Variants in TIMM9 observed in about 807,000 individuals in gnomAD.
The protein encoded by TIMM9 is translocase of inner mitochondrial membrane 9.
In TIMM9, 10 loss-of-function variants were observed where a neutral mutation model predicts 13.4. The ratio of observed to expected loss-of-function variants is 0.75; its 90% CI spans 0.46 to 1.26. The LOEUF (loss-of-function observed/expected upper bound fraction) is 1.26, where lower values mean the gene tolerates loss of function less well. Ranked by LOEUF, TIMM9 falls within the 50% of genes most tolerant of loss-of-function variation. TIMM9 has a pLI of 0.00. For missense variants in TIMM9, 87 were observed against 100.8 expected, an observed-to-expected ratio of 0.86 and a Z score of 0.58; for synonymous variants, 32 against 32.1, an observed-to-expected ratio of 1.00 and a Z score of 0.01.
At chr14:58,425,681 C>T (rs1165798862) in intron 2 of TIMM9, among the ~76,000 whole-genome samples, 2 of 152,132 alleles carry the variant, frequency 1.3e-5, no homozygotes, top group African/African-American at 4.8e-5. Context: ...ATAAGTTTCA[C>T]CTAGAAGGTA....
Position 58,408,714 on chromosome 14 carries a change from A to G in TIMM9, c.*320T>C. ...TTTTCTATCTCATACATGATCGAAC[A>G]CATAAGTTGCTTTAAAATTAACAGT... is the stretch of plus-strand genomic sequence containing the variant. On this transcript the variant is annotated 3_prime_UTR_variant, in exon 6 of 6. Transcript: ENST00000395159. The G allele has an allele frequency of 1.2e-6, 1 of 858,024 alleles. No homozygotes were observed. Among genetic ancestry groups the G allele is most frequent in the Non-Finnish European group, 1.8e-6 (1 of 570,282 alleles). The allele number at this position is 858,024 out of a possible 1,614,324, so 53.2% of individuals were successfully genotyped here.
intron 3 of TIMM9, among the ~76,000 whole-genome samples, chr14:58,421,448 G>A (rs1447998675): frequency 1.3e-5 from 2 of 152,096 alleles, no homozygotes; most frequent in African/African-American, 4.8e-5. Context: ...TTAGTATCCT[G>A]GATGTGAGTG....
chr14:58,423,741 G>C (rs538153371), intron 3 of TIMM9: 2 of 152,152 alleles, frequency 1.3e-5, no homozygotes, highest in Non-Finnish European at 2.9e-5. Context: ...ACAGGTAGCA[G>C]TAATGTGGTT....
At chr14:58,419,679 G>A (rs1217906635) in intron 3 of TIMM9, among the ~76,000 whole-genome samples, 1 of 152,048 alleles carries the variant, frequency 6.6e-6, no homozygotes, top group African/African-American at 2.4e-5. Flanking sequence ...GCCAAGGTTG[G>A]CAGATGGCTT....
At chr14:58,425,367 T>A (rs921160560) in intron 2 of TIMM9, among the ~76,000 whole-genome samples, 1 of 150,380 alleles carries the variant, frequency 6.6e-6, no homozygotes, top group African/African-American at 2.5e-5. Flanking sequence ...GCTGAGAAAA[T>A]AAGCCTGGGC....
In TIMM9 at chr14:58,427,478, C is replaced by G; in HGVS notation, c.-390G>C. On this transcript the variant is annotated 5_prime_UTR_variant, in exon 1 of 6. Transcript: ENST00000395159. ...CAAGTAGTATTACAAGTCGGGAGCT[C>G]TTCAAGTCTTGGATGAGACTGTAGA... 9.8e-7 allele frequency: 1 copy of G among 1,016,110 alleles called. No homozygotes were observed. The highest frequency in any genetic ancestry group is 1.4e-6 in the Non-Finnish European group (1 of 696,024). 62.9% of individuals were successfully genotyped at this position (1,016,110 alleles called of 1,614,324 possible).
intron 5 of TIMM9, 125 bp downstream of exon 5, chr14:58,410,718 G>A (rs2036188183): frequency 3.1e-6 from 2 of 649,098 alleles, no homozygotes; most frequent in Non-Finnish European, 5.2e-6. Context: ...GTTCTTCCAA[G>A]CAATGGAACA....
At position 58,423,444 on chromosome 14, in the gene TIMM9, G is replaced by A. The variant is rs147446894; in HGVS notation, c.-27+564C>T. ...GAGGCAGAACTGCTTGAACCTGGGA[G>A]GCAGAGGCTGCAGTGAGCTGAGATT... On this transcript the variant is annotated intron_variant, in intron 3 of 5. Transcript: ENST00000395159. Among the ~76,000 whole-genome samples, 366 of 147,802 alleles carry A rather than the reference G, an allele frequency of 2.5e-3. 12 individuals are homozygous for A. In the East Asian group the frequency reaches 0.062, roughly 25 times the overall value.
At chr14:58,424,793 G>A (rs971399092) in intron 2 of TIMM9, among the ~76,000 whole-genome samples, 7 of 152,186 alleles carry the variant, frequency 4.6e-5, no homozygotes, top group African/African-American at 1.7e-4. Flanking sequence ...CTTGAGCCCA[G>A]GAGCTTGAGG....
intron 3 of TIMM9, among the ~76,000 whole-genome samples, chr14:58,423,059 C>T (rs1248540137): frequency 6.6e-6 from 1 of 151,952 alleles, no homozygotes; most frequent in African/African-American, 2.4e-5. Context: ...CCCACCTCAG[C>T]CTCCCAAAGT....
At position 58,412,126 on chromosome 14, in the gene TIMM9, C is replaced by A. The variant is rs530421650; in HGVS notation, c.-26-155G>T. 4 of 568,158 alleles carry A rather than the reference C, an allele frequency of 7.0e-6. No homozygotes were observed. The Admixed American group carries it at 9.4e-5, about 13-fold the overall frequency. 35.2% of individuals were successfully genotyped at this position (568,158 alleles called of 1,614,324 possible). ...TCTCAGATCATTAATGACCATAGAACCTTACAGTTGAGAATTAGATTTTCT... is the reference window on the plus strand; with the variant it reads ...TCTCAGATCATTAATGACCATAGAAACTTACAGTTGAGAATTAGATTTTCT... On this transcript the variant is annotated intron_variant, in intron 3 of 5. Transcript: ENST00000395159.
chr14:58,413,145 G>C (rs930456805), intron 3 of TIMM9, among the ~76,000 whole-genome samples: 1 of 151,952 alleles, frequency 6.6e-6, no homozygotes. Flanking sequence ...TTTGATTTTG[G>C]TGAGCATTTT....
Position 58,411,989 on chromosome 14 carries a change from A to C in TIMM9, c.-26-18T>G, listed in dbSNP as rs1462633757. ...TTAGTCACCTAATTTAAAAATTCAA[A>C]ACAAGTTTGTCAATCTATAAACAAA... is the stretch of plus-strand genomic sequence containing the variant. On this transcript the variant is annotated intron_variant, in intron 3 of 5. Coordinates refer to ENST00000395159, the MANE Select transcript of TIMM9 (RefSeq NM_012460.4). 1 of 1,585,152 alleles carries C rather than the reference A, an allele frequency of 6.3e-7. No homozygotes were observed.
chr14:58,419,130 A>T (rs563422349), intron 3 of TIMM9, among the ~76,000 whole-genome samples: 42 of 152,226 alleles, frequency 2.8e-4, no homozygotes, highest in African/African-American at 9.9e-4. Flanking sequence ...AGTGGAACAT[A>T]ACAAAGAATC....
chr14:58,419,134 A>C (rs1048183198), intron 3 of TIMM9, among the ~76,000 whole-genome samples: 1 of 152,118 alleles, frequency 6.6e-6, no homozygotes, highest in Non-Finnish European at 1.5e-5. Context: ...GAACATAACA[A>C]AGAATCTAAT....
chr14:58,409,656 G>A (rs1332601716), intron 5 of TIMM9, among the ~76,000 whole-genome samples: 2 of 152,086 alleles, frequency 1.3e-5, no homozygotes, highest in Non-Finnish European at 2.9e-5. Flanking sequence ...TCGGCTCACT[G>A]CAAGCTCCGC....
intron 3 of TIMM9, among the ~76,000 whole-genome samples, chr14:58,417,620 G>C (rs2036459309): frequency 7.5e-6 from 1 of 133,452 alleles, no homozygotes; most frequent in South Asian, 2.7e-4. Flanking sequence ...TAGGGAAGGA[G>C]GGAAGGGAGG....
At position 58,409,101 on chromosome 14, in the gene TIMM9, T is replaced by G; in HGVS notation, c.203A>C (p.Gln68Pro). Residue 68 changes from glutamine to proline, a missense_variant, in exon 6 of 6, where the codon CAG becomes CCG. Coordinates refer to ENST00000395159, the MANE Select transcript of TIMM9 (RefSeq NM_012460.4). ...KMTQRISMRF[Q>P]EYHIQQNEAL... ...TTCATTCTGCTGAATATGATATTCC[T>G]GAAATCTCATGGATATTCTTTGTGT... 6.2e-7 allele frequency: 1 copy of G among 1,613,962 alleles called. No homozygotes were observed. The highest frequency in any genetic ancestry group is 8.5e-7 in the Non-Finnish European group (1 of 1,179,920).
intron 2 of TIMM9, among the ~76,000 whole-genome samples, chr14:58,426,408 T>C (rs1261238263): frequency 6.6e-6 from 1 of 151,886 alleles, no homozygotes; most frequent in African/African-American, 2.4e-5. Context: ...GGTTTCACCT[T>C]GCTGGCCAGG....
Sources: allele counts gnomAD v4.1 joint callset (sites outside exome capture counted in the v4.1 genomes callset), GRCh38; gene constraint gnomAD v4.1.1; transcripts MANE v1.5; gene names NCBI Gene and HGNC (gene_info 2026-07-23, HGNC 2026-07-21).